Variants in EPB41 observed in about 807,000 individuals in gnomAD.
EPB41 encodes the protein erythrocyte membrane protein band 4.1, also known as protein 4.1.
Under a neutral mutation model 108.0 loss-of-function variants are expected in EPB41, and 65 were observed. That is an observed-to-expected ratio of 0.60 (90% CI 0.49 to 0.74). The LOEUF (loss-of-function observed/expected upper bound fraction) is 0.74, where lower values mean the gene tolerates loss of function less well. Among genes scored for constraint, EPB41 ranks in the 30% least tolerant of loss-of-function variants. EPB41 has a pLI of 0.00. For missense variants in EPB41, 875 were observed against 1,037.0 expected, an observed-to-expected ratio of 0.84 and a Z score of 2.15; for synonymous variants, 336 against 358.9, an observed-to-expected ratio of 0.94 and a Z score of 0.72.
intron 2 of EPB41, among the ~76,000 whole-genome samples, chr1:28,990,332 C>CTTCCTTCCTTCCTTCCTTCCTTCT (rs2095984127): frequency 7.4e-6 from 1 of 135,908 alleles, no homozygotes; most frequent in South Asian, 2.5e-4. Context: ...TCCTTCCTTC[C>CTTCCTTCCTTCCTTCCTTCCTTCT]TTCCCTCCCT....
intron 1 of EPB41, among the ~76,000 whole-genome samples, chr1:28,896,899 G>A (rs954112076): frequency 6.6e-6 from 1 of 152,190 alleles, no homozygotes; most frequent in African/African-American, 2.4e-5. Context: ...GAGAGGAGAG[G>A]AGAGGGCCAG....
chr1:28,915,210 A>G (rs941697634), intron 1 of EPB41, among the ~76,000 whole-genome samples: 1 of 152,180 alleles, frequency 6.6e-6, no homozygotes, highest in Admixed American at 6.5e-5. Flanking sequence ...TGCAGAAGTC[A>G]GGCGGAATCT....
chr1:28,957,273 G>T (rs2094993494), intron 1 of EPB41, among the ~76,000 whole-genome samples: 1 of 152,226 alleles, frequency 6.6e-6, no homozygotes, highest in Non-Finnish European at 1.5e-5. Flanking sequence ...GCATCTTCAT[G>T]GGGATGCCCA....
chr1:29,029,803 C>T (rs561465379), intron 7 of EPB41, among the ~76,000 whole-genome samples: 8 of 152,262 alleles, frequency 5.3e-5, no homozygotes, highest in East Asian at 3.9e-4. Context: ...TATGTGCTTC[C>T]GTGAACCAGT....
At chr1:28,974,418 G>T (rs1259689328) in intron 1 of EPB41, among the ~76,000 whole-genome samples, 2 of 152,168 alleles carry the variant, frequency 1.3e-5, no homozygotes, top group Non-Finnish European at 2.9e-5. Flanking sequence ...GTGAACTATT[G>T]TCAAATTGGG....
intron 4 of EPB41, among the ~76,000 whole-genome samples, chr1:29,000,728 C>A (rs2096278252): frequency 6.6e-6 from 1 of 152,086 alleles, no homozygotes; most frequent in Non-Finnish European, 1.5e-5. Flanking sequence ...TATAGGACAT[C>A]CAGCGGGAAC....
At chr1:29,098,687 C>T (rs1263303709) in intron 17 of EPB41, among the ~76,000 whole-genome samples, 1 of 152,072 alleles carries the variant, frequency 6.6e-6, no homozygotes, top group African/African-American at 2.4e-5. Flanking sequence ...ATCTCCTCTG[C>T]CCATGACGTT....
At chr1:28,978,987 A>G (rs1326205087) in intron 1 of EPB41, among the ~76,000 whole-genome samples, 1 of 151,392 alleles carries the variant, frequency 6.6e-6, no homozygotes, top group African/African-American at 2.5e-5. Context: ...CATGTGAGCC[A>G]ATTCCCCTAG....
chr1:28,947,388 C>G (rs560597765), intron 1 of EPB41, among the ~76,000 whole-genome samples: 19 of 150,570 alleles, frequency 1.3e-4, no homozygotes, highest in Non-Finnish European at 1.9e-4. Flanking sequence ...CGTCTGGCGA[C>G]GGAGCGAGAC....
chr1:28,909,446 CA>C (rs1487172321), intron 1 of EPB41, among the ~76,000 whole-genome samples: 2 of 151,376 alleles, frequency 1.3e-5, no homozygotes, highest in African/African-American at 4.9e-5. Flanking sequence ...CCAGCCTGGG[CA>C]ACAGAGTGAG....
intron 1 of EPB41, among the ~76,000 whole-genome samples, chr1:28,932,615 C>T (rs2093807407): frequency 6.6e-6 from 1 of 151,694 alleles, no homozygotes; most frequent in South Asian, 2.1e-4. Context: ...AGATCTTTCT[C>T]CTCTGTTAAG....
Position 29,119,087 on chromosome 1 carries a change from GCT to G in EPB41, c.*2278_*2279del, listed in dbSNP as rs1353434055. 1 of 152,288 alleles carries G rather than the reference GCT, an allele frequency of 6.6e-6. No homozygotes were observed. Among genetic ancestry groups the G allele is most frequent in the African/African-American group, 2.4e-5 (1 of 41,440 alleles). 9.4% of individuals were successfully genotyped at this position (152,288 alleles called of 1,614,324 possible). A position where few individuals can be genotyped will look rare whatever the true frequency, so the allele number is the denominator to read the frequency against. ...ATCGGGGGCCTAAACGTTTCCCTCA[GCT>G]CTGTCACCAACTCACTTCTCTCGGC... On this transcript the variant is annotated 3_prime_UTR_variant, in exon 21 of 21. Coordinates refer to ENST00000343067, the MANE Select transcript of EPB41 (RefSeq NM_001376013.1).
intron 1 of EPB41, among the ~76,000 whole-genome samples, chr1:28,915,676 A>G (rs1001540043): frequency 3.2e-4 from 46 of 142,660 alleles, no homozygotes; most frequent in Non-Finnish European, 3.1e-5. Flanking sequence ...GTTTTTTGGC[A>G]TGTAGTTGTT....
intron 7 of EPB41, among the ~76,000 whole-genome samples, chr1:29,021,731 A>C (rs946415627): frequency 6.6e-6 from 1 of 151,928 alleles, no homozygotes; most frequent in African/African-American, 2.4e-5. Flanking sequence ...TACAAGCGCC[A>C]GCCACCACGC....
chr1:29,102,545 T>C (rs141944038), intron 17 of EPB41, among the ~76,000 whole-genome samples: 4 of 152,270 alleles, frequency 2.6e-5, no homozygotes, highest in East Asian at 1.9e-4. Context: ...TTTTGAAGTA[T>C]TAAAATTTTT....
At chr1:29,052,786 G>A (rs1217324492) in intron 11 of EPB41, among the ~76,000 whole-genome samples, 1 of 151,954 alleles carries the variant, frequency 6.6e-6, no homozygotes, top group Non-Finnish European at 1.5e-5. Context: ...AACATTGCAG[G>A]TTTTTGAAAC....
intron 10 of EPB41, among the ~76,000 whole-genome samples, chr1:29,037,756 C>T (rs1193672323): frequency 1.3e-5 from 2 of 151,932 alleles, no homozygotes; most frequent in African/African-American, 2.4e-5. Flanking sequence ...AGGCTGGTCT[C>T]GAACTCCTGA....
At chr1:29,100,031 C>T (rs550277666) in intron 17 of EPB41, among the ~76,000 whole-genome samples, 1 of 152,248 alleles carries the variant, frequency 6.6e-6, no homozygotes, top group East Asian at 1.9e-4. Context: ...GACATTTTGG[C>T]TGAGGTCTGA....
chr1:29,069,192 A>G (rs1650013056), intron 16 of EPB41: 1 of 1,231,480 alleles, frequency 8.1e-7, no homozygotes, highest in Non-Finnish European at 1.0e-6. Context: ...TCCCTGATAC[A>G]TATCACTTAG....
Sources: allele counts gnomAD v4.1 joint callset (sites outside exome capture counted in the v4.1 genomes callset), GRCh38; gene constraint gnomAD v4.1.1; transcripts MANE v1.5; gene names NCBI Gene and HGNC (gene_info 2026-07-23, HGNC 2026-07-21).